The following DOCK4 variants were observed in gnomAD, a reference collection of about 807,000 sequenced individuals.
DOCK4 encodes dedicator of cytokinesis protein 4.
In DOCK4, 97 loss-of-function variants were observed where a neutral mutation model predicts 268.1. The observed-to-expected ratio is 0.36, with a 90% CI of 0.31 to 0.43. The LOEUF (loss-of-function observed/expected upper bound fraction) is 0.43, where lower values mean the gene tolerates loss of function less well. Ranked by LOEUF, DOCK4 falls within the 20% of genes least tolerant of loss-of-function variation. The pLI, the probability that DOCK4 is intolerant of heterozygous loss-of-function variation, is 1.00. For missense variants in DOCK4, 2,145 were observed against 2,455.7 expected, an observed-to-expected ratio of 0.87 and a Z score of 2.67; for synonymous variants, 954 against 887.2, an observed-to-expected ratio of 1.08 and a Z score of -1.34.
Position 111,901,849 on chromosome 7 carries a change from T to C in DOCK4, c.1193-48A>G, listed in dbSNP as rs1791177097. 2.2e-6 allele frequency: 3 copies of C among 1,384,030 alleles called. No homozygotes were observed. The African/African-American group carries it at 4.3e-5, about 20-fold the overall frequency. The allele number at this position is 1,384,030 out of a possible 1,614,324, so 85.7% of individuals were successfully genotyped here. A position where few individuals can be genotyped will look rare whatever the true frequency, so the allele number is the denominator to read the frequency against. On this transcript the variant is annotated intron_variant, in intron 13 of 52. Coordinates refer to ENST00000428084, the MANE Select transcript of DOCK4 (RefSeq NM_001363540.2). ...ACCATGTTATATATATATGAGGAAATGTAATAAAGTGCTCTATCAAGAAAA... is the reference window on the plus strand; with the variant it reads ...ACCATGTTATATATATATGAGGAAACGTAATAAAGTGCTCTATCAAGAAAA...
In DOCK4 at chr7:111,989,056, G is replaced by A. The variant is rs34015947; in HGVS notation, c.423C>T (p.Asp141=). 3,082 of 1,613,846 alleles carry A rather than the reference G, an allele frequency of 1.9e-3. 41 individuals carry two copies. In the African/African-American group the frequency reaches 0.036, roughly 19 times the overall value. ...GCCGGGCAGTAATGTGGCGCTTCAC[G>A]TCCTTCATCCGGTCGTGGGTGAGGT... is the stretch of plus-strand genomic sequence containing the variant. ...VGHLTHDRMK[D]VKRHITARLD... is the part of the protein sequence containing the mutation. Residue 141 remains aspartate (D), a synonymous_variant, in exon 6 of 53, where the codon GAC becomes GAT. Coordinates refer to ENST00000428084, the MANE Select transcript of DOCK4 (RefSeq NM_001363540.2).
At chr7:112,033,815 A>T (rs1444535133) in intron 1 of DOCK4, among the ~76,000 whole-genome samples, 1 of 152,226 alleles carries the variant, frequency 6.6e-6, no homozygotes, top group Non-Finnish European at 1.5e-5. Flanking sequence ...TTCTTGAAAA[A>T]ATAAGTCTTA....
intron 1 of DOCK4, among the ~76,000 whole-genome samples, chr7:112,121,184 G>A (rs1232940170): frequency 6.6e-6 from 1 of 152,148 alleles, no homozygotes; most frequent in Non-Finnish European, 1.5e-5. Context: ...TGGAAGTGCT[G>A]GGATCTGAAC....
At chr7:111,845,075 C>G (rs770255355) in intron 24 of DOCK4, among the ~76,000 whole-genome samples, 178 bp from the exon 25 acceptor site, 4 of 152,158 alleles carry the variant, frequency 2.6e-5, no homozygotes, top group Non-Finnish European at 2.9e-5. Context: ...CAAGAGTACA[C>G]AACTCAGTGG....
At chr7:111,896,335 C>T (rs1029289436) in intron 15 of DOCK4, among the ~76,000 whole-genome samples, 2 of 152,028 alleles carry the variant, frequency 1.3e-5, no homozygotes, top group East Asian at 1.9e-4. Context: ...GGAAATGAGG[C>T]GATGAGGTTT....
intron 40 of DOCK4, among the ~76,000 whole-genome samples, chr7:111,759,431 C>A (rs973630363): frequency 6.6e-6 from 1 of 152,136 alleles, no homozygotes; most frequent in East Asian, 1.9e-4. Context: ...ACCTCCTTCT[C>A]TTCTTATTTA....
At chr7:111,800,351 G>T (rs1410465950) in intron 30 of DOCK4, among the ~76,000 whole-genome samples, 2 of 152,068 alleles carry the variant, frequency 1.3e-5, no homozygotes, top group African/African-American at 2.4e-5. Flanking sequence ...TCAAATTAAT[G>T]CTAAAATTAT....
At chr7:112,093,874 T>C (rs1460745021) in intron 1 of DOCK4, among the ~76,000 whole-genome samples, 1 of 121,390 alleles carries the variant, frequency 8.2e-6, no homozygotes, top group African/African-American at 3.3e-5. Flanking sequence ...CTCTGACATA[T>C]AAGGAAAAAA....
intron 16 of DOCK4, among the ~76,000 whole-genome samples, chr7:111,893,861 G>T (rs1287357421): frequency 6.6e-6 from 1 of 152,146 alleles, no homozygotes; most frequent in African/African-American, 2.4e-5. Flanking sequence ...TAAACATGTT[G>T]AACAAATAAT....
intron 39 of DOCK4, among the ~76,000 whole-genome samples, chr7:111,764,369 T>C (rs1377020511): frequency 1.3e-5 from 2 of 152,244 alleles, no homozygotes; most frequent in South Asian, 2.1e-4. Context: ...AAAATATTTC[T>C]GTATTGAGAA....
intron 1 of DOCK4, among the ~76,000 whole-genome samples, chr7:112,093,484 CTG>C (rs1809828348): frequency 6.6e-6 from 1 of 152,064 alleles, no homozygotes. Context: ...TATCACCACA[CTG>C]GAGTCCAGTC....
chr7:111,933,150 G>GTATATACACATATATACA (rs202121372), intron 12 of DOCK4, among the ~76,000 whole-genome samples: 1 of 110,366 alleles, frequency 9.1e-6, no homozygotes, highest in African/African-American at 3.6e-5. Flanking sequence ...ATATATATAC[G>GTATATACACATATATACA]TATATACACA....
intron 1 of DOCK4, among the ~76,000 whole-genome samples, chr7:112,177,207 C>A (rs189244980): frequency 9.3e-4 from 141 of 152,282 alleles, no homozygotes; most frequent in Middle Eastern, 3.4e-3. Context: ...AGTTAAATTG[C>A]AGGAATCAGA....
intron 1 of DOCK4, among the ~76,000 whole-genome samples, chr7:112,196,646 A>AGTGGGGAAGGGGCAATGG (rs1820474549): frequency 1.3e-5 from 2 of 152,106 alleles, no homozygotes; most frequent in Non-Finnish European, 2.9e-5. Flanking sequence ...GGTGACAGAG[A>AGTGGGGAAGGGGCAATGG]GTGGGGAAGG....
chr7:112,066,717 A>G lies in DOCK4; in HGVS notation c.38-62586T>C, dbSNP rs1337962583. Among the ~76,000 whole-genome samples the G allele has an allele frequency of 1.9e-3, 172 of 88,696 alleles. 2 individuals are homozygous for G. The highest frequency in any genetic ancestry group is 7.6e-3 in the African/African-American group (159 of 20,924). 58.2% of individuals were successfully genotyped at this position (88,696 alleles called of 152,430 possible). A position where few individuals can be genotyped will look rare whatever the true frequency, so the allele number is the denominator to read the frequency against. On this transcript the variant is annotated intron_variant, in intron 1 of 52. Transcript: ENST00000428084. ...TATATATATATATATATATATATAT[A>G]TATATATATATATATATATATATAT...
intron 1 of DOCK4, among the ~76,000 whole-genome samples, chr7:112,133,836 GTTA>G (rs1563118033): frequency 6.6e-6 from 1 of 152,188 alleles, no homozygotes; most frequent in East Asian, 1.9e-4. Context: ...CAGGTAGGTG[GTTA>G]TTAAGTGAAC....
chr7:111,861,760 ATAAT>A (rs1334620254), intron 23 of DOCK4, among the ~76,000 whole-genome samples: 85 of 63,818 alleles, frequency 1.3e-3, no homozygotes, highest in Non-Finnish European at 2.2e-3. Context: ...AAAAAAAAAA[ATAAT>A]AATAATAATA....
At chr7:112,178,290 T>C (rs1227041003) in intron 1 of DOCK4, among the ~76,000 whole-genome samples, 3 of 152,212 alleles carry the variant, frequency 2.0e-5, no homozygotes, top group African/African-American at 7.2e-5. Context: ...GCTTACAGTA[T>C]GCCTTTCTTC....
chr7:112,137,257 A>G (rs2116218380), intron 1 of DOCK4, among the ~76,000 whole-genome samples: 1 of 152,324 alleles, frequency 6.6e-6, no homozygotes, highest in Admixed American at 6.5e-5. Context: ...CTTCTACTCA[A>G]TTGAATAAAT....
Sources: gnomAD v4.1 joint callset for allele counts (sites outside exome capture counted in the v4.1 genomes callset) on GRCh38, gnomAD v4.1.1 for gene constraint, MANE v1.5 for transcripts, NCBI Gene and HGNC (gene_info 2026-07-23, HGNC 2026-07-21) for gene names.